SAMD12: variants seen among roughly 807,000 people sequenced by gnomAD.
The protein encoded by SAMD12 is sterile alpha motif domain-containing protein 12.
In SAMD12, 9 loss-of-function variants were observed where a neutral mutation model predicts 15.0. The ratio of observed to expected loss-of-function variants is 0.60; its 90% CI spans 0.36 to 1.05. SAMD12 has a LOEUF of 1.05. Ranked by LOEUF, SAMD12 falls within the 50% of genes least tolerant of loss-of-function variation. The pLI is 0.01. For synonymous variants in SAMD12, 86 were observed against 90.1 expected, an observed-to-expected ratio of 0.96 and a Z score of 0.25; for missense variants, 230 against 234.2, an observed-to-expected ratio of 0.98 and a Z score of 0.12.
At chr8:118,138,016 A>T in the SAMD12 span, among the ~76,000 whole-genome samples, 5 of 151,954 alleles carry the variant, frequency 3.3e-5, no homozygotes, top group Admixed American at 6.6e-5. Flanking sequence ...ATGAAATATC[A>T]ATGTTAGGCA....
intron 4 of SAMD12, among the ~76,000 whole-genome samples, chr8:118,309,953 C>A (rs574194269): frequency 6.6e-6 from 1 of 152,168 alleles, no homozygotes; most frequent in Non-Finnish European, 1.5e-5. Flanking sequence ...GTTGCAGAGA[C>A]CATTGAAGGT....
At chr8:118,594,127 A>T (rs911967393) in intron 1 of SAMD12, among the ~76,000 whole-genome samples, 5 of 152,160 alleles carry the variant, frequency 3.3e-5, no homozygotes, top group African/African-American at 1.2e-4. Flanking sequence ...TTCAGAGATA[A>T]ATCAGCTCTG....
chr8:118,155,420 T>C, the SAMD12 span, among the ~76,000 whole-genome samples: 1 of 152,192 alleles, frequency 6.6e-6, no homozygotes, highest in Admixed American at 6.5e-5. Flanking sequence ...AAGTTCTGTA[T>C]AGTTTTATTC....
At chr8:118,335,756 T>G (rs933025243) in intron 4 of SAMD12, among the ~76,000 whole-genome samples, 1 of 152,142 alleles carries the variant, frequency 6.6e-6, no homozygotes, top group African/African-American at 2.4e-5. Flanking sequence ...GGTACTGCAC[T>G]TGTATTTTGT....
intron 3 of SAMD12, among the ~76,000 whole-genome samples, chr8:118,427,603 A>C (rs1199028162): frequency 8.1e-6 from 1 of 122,818 alleles, no homozygotes; most frequent in Non-Finnish European, 1.9e-5. Context: ...TGTGAGATTC[A>C]CTCACATTGT....
At chr8:118,450,791 G>A (rs1823057061) in intron 2 of SAMD12, among the ~76,000 whole-genome samples, 1 of 152,164 alleles carries the variant, frequency 6.6e-6, no homozygotes, top group African/African-American at 2.4e-5. Context: ...TTGACTAAAA[G>A]AATGTGGCAG....
the SAMD12 span, among the ~76,000 whole-genome samples, chr8:118,163,346 T>C: frequency 3.1e-3 from 476 of 152,252 alleles, 3 homozygotes; most frequent in African/African-American, 0.011. Flanking sequence ...TCCCAAAGTG[T>C]TGGGATTACA....
At chr8:118,368,241 T>C (rs1001991054) in intron 4 of SAMD12, among the ~76,000 whole-genome samples, 5 of 152,116 alleles carry the variant, frequency 3.3e-5, no homozygotes, top group African/African-American at 1.2e-4. Flanking sequence ...TTGGAGGAAA[T>C]TGAGAAGGGA....
At chr8:118,367,152 C>A (rs548714387) in intron 4 of SAMD12, among the ~76,000 whole-genome samples, 1 of 151,754 alleles carries the variant, frequency 6.6e-6, no homozygotes, top group African/African-American at 2.4e-5. Flanking sequence ...TGCCAGACAC[C>A]GAGAATTGGT....
intron 1 of SAMD12, among the ~76,000 whole-genome samples, chr8:118,589,626 C>T (rs1036314086): frequency 6.6e-6 from 1 of 152,170 alleles, no homozygotes; most frequent in Non-Finnish European, 1.5e-5. Context: ...CAAGGGCAGA[C>T]ACATGCAGAA....
chr8:118,358,470 C>A (rs1818336580), intron 4 of SAMD12, among the ~76,000 whole-genome samples: 1 of 152,172 alleles, frequency 6.6e-6, no homozygotes. Flanking sequence ...CAACCAGCGG[C>A]CAATTTCAGA....
chr8:118,263,831 T>C (rs1328691425), intron 4 of SAMD12, among the ~76,000 whole-genome samples: 1 of 152,070 alleles, frequency 6.6e-6, no homozygotes, highest in African/African-American at 2.4e-5. Context: ...GCAGTGGAGA[T>C]GGAAATGGTG....
chr8:118,552,753 A>T (rs1826383618), intron 2 of SAMD12, among the ~76,000 whole-genome samples: 1 of 152,230 alleles, frequency 6.6e-6, no homozygotes, highest in African/African-American at 2.4e-5. Context: ...CCCTGTTCAC[A>T]GATGACATGA....
intron 2 of SAMD12, among the ~76,000 whole-genome samples, chr8:118,489,988 G>A (rs1457170862): frequency 6.6e-6 from 1 of 152,042 alleles, no homozygotes; most frequent in Non-Finnish European, 1.5e-5. Flanking sequence ...ATATGAGGGA[G>A]GAATGTTCCT....
chr8:118,577,234 C>A (rs1042916573), intron 2 of SAMD12, among the ~76,000 whole-genome samples: 4 of 152,110 alleles, frequency 2.6e-5, no homozygotes, highest in Admixed American at 6.6e-5. Context: ...GCCAGACAAC[C>A]TTTTTCTTCT....
chr8:118,199,389 C>T (rs578086757), intron 4 of SAMD12, among the ~76,000 whole-genome samples: 2 of 152,200 alleles, frequency 1.3e-5, no homozygotes, highest in African/African-American at 4.8e-5. Context: ...GGTTGACCTG[C>T]TAGGAGGGCA....
intron 4 of SAMD12, among the ~76,000 whole-genome samples, chr8:118,337,445 G>A (rs961418862): frequency 1.3e-5 from 2 of 152,160 alleles, no homozygotes; most frequent in Non-Finnish European, 2.9e-5. Flanking sequence ...CCTTCAGGGT[G>A]GGCAATACAG....
intron 4 of SAMD12, among the ~76,000 whole-genome samples, chr8:118,266,689 T>C (rs1401430600): frequency 1.3e-5 from 2 of 152,110 alleles, no homozygotes; most frequent in African/African-American, 4.8e-5. Flanking sequence ...TGCAATAATG[T>C]GGATGAACCT....
chr8:118,449,492 A>C (rs1405958932), intron 2 of SAMD12, among the ~76,000 whole-genome samples: 1 of 151,944 alleles, frequency 6.6e-6, no homozygotes, highest in Non-Finnish European at 1.5e-5. Flanking sequence ...TACCAGTGAA[A>C]AACACAGGCA....
Sources: gnomAD v4.1 joint callset for allele counts (sites outside exome capture counted in the v4.1 genomes callset) on GRCh38, gnomAD v4.1.1 for gene constraint, MANE v1.5 for transcripts, NCBI Gene and HGNC (gene_info 2026-07-23, HGNC 2026-07-21) for gene names.